TOX: variants seen among roughly 807,000 people sequenced by gnomAD.
TOX encodes thymocyte selection-associated high mobility group box protein TOX.
TOX carries 11 observed loss-of-function variants against 53.7 expected under a neutral mutation model. The observed-to-expected ratio is 0.20, with a 90% CI of 0.13 to 0.34. The LOEUF (loss-of-function observed/expected upper bound fraction) is 0.34. Ranked by LOEUF, TOX falls within the 10% of genes least tolerant of loss-of-function variation. The probability of loss-of-function intolerance (pLI) is 1.00; values close to 1 mark genes in which losing one functional copy is unlikely to be tolerated. For synonymous variants in TOX, 225 were observed against 245.3 expected, an observed-to-expected ratio of 0.92 and a Z score of 0.77; for missense variants, 570 against 664.6, an observed-to-expected ratio of 0.86 and a Z score of 1.56.
intron 2 of TOX, 127 bp downstream of exon 2, chr8:58,959,816 C>T (rs1812771639): frequency 4.7e-6 from 5 of 1,071,854 alleles, no homozygotes; most frequent in African/African-American, 3.1e-5. Context: ...GGCTTAAATG[C>T]TTTGTTTATA....
chr8:58,879,718 C>G (rs1460937107), intron 3 of TOX, among the ~76,000 whole-genome samples: 1 of 152,048 alleles, frequency 6.6e-6, no homozygotes, highest in East Asian at 1.9e-4. Context: ...TCCTTAAAAA[C>G]AAATCTAAAT....
intron 1 of TOX, among the ~76,000 whole-genome samples, chr8:59,048,516 CT>C (rs1465262283): frequency 7.9e-5 from 12 of 152,170 alleles, no homozygotes; most frequent in Non-Finnish European, 1.8e-4. Flanking sequence ...AATTTCTGGT[CT>C]TCTGGCTTCA....
intron 1 of TOX, among the ~76,000 whole-genome samples, chr8:59,063,398 G>A (rs1804025461): frequency 6.7e-6 from 1 of 150,232 alleles, no homozygotes; most frequent in Admixed American, 6.6e-5. Flanking sequence ...GAGTTCTAAC[G>A]ATGGGATTAC....
At chr8:59,057,744 T>G (rs1198404160) in intron 1 of TOX, among the ~76,000 whole-genome samples, 2 of 152,250 alleles carry the variant, frequency 1.3e-5, no homozygotes, top group Non-Finnish European at 2.9e-5. Context: ...TTGCTTCATT[T>G]TCCATATTTT....
intron 7 of TOX, among the ~76,000 whole-genome samples, chr8:58,808,796 C>T (rs567167934): frequency 1.1e-3 from 163 of 152,274 alleles, no homozygotes; most frequent in South Asian, 6.2e-3. Context: ...ATTTGTATTT[C>T]TCTCTCAGCT....
chr8:59,043,510 A>G (rs1392799385), intron 1 of TOX, among the ~76,000 whole-genome samples: 1 of 152,200 alleles, frequency 6.6e-6, no homozygotes, highest in Non-Finnish European at 1.5e-5. Flanking sequence ...ATAATAAACT[A>G]TATAGCTAAA....
At chr8:59,092,829 GTCTC>G (rs1317006957) in intron 1 of TOX, among the ~76,000 whole-genome samples, 6 of 152,008 alleles carry the variant, frequency 3.9e-5, no homozygotes, top group African/African-American at 1.5e-4. Flanking sequence ...CTATTTGTGC[GTCTC>G]TCTTTCTAGA....
chr8:58,908,135 C>T (rs1434537722), intron 3 of TOX, among the ~76,000 whole-genome samples: 1 of 152,104 alleles, frequency 6.6e-6, no homozygotes, highest in African/African-American at 2.4e-5. Flanking sequence ...GTGTTTTTCC[C>T]CTCAATGCAA....
intron 1 of TOX, among the ~76,000 whole-genome samples, chr8:58,994,417 T>C (rs77021792): frequency 0.094 from 13,170 of 139,862 alleles, 733 homozygotes; most frequent in Middle Eastern, 0.18. Context: ...TGTGTGTGTG[T>C]GTGCGCGCGC....
rs1813211322 is a variant in TOX, at chr8:58,981,847, C to T, written c.103-21839G>A. ...TCTCCATTCTTAAGAATAATCCTTC[C>T]CTTGGACTCTCAACTGTATCCCTCC... On this transcript the variant is annotated intron_variant, in intron 1 of 8. Coordinates refer to ENST00000361421, the MANE Select transcript of TOX (RefSeq NM_014729.3). Among the ~76,000 whole-genome samples, 4 of 152,110 alleles carry T rather than the reference C, an allele frequency of 2.6e-5. No homozygotes were observed. The South Asian group carries it at 8.3e-4, about 32-fold the overall frequency.
intron 1 of TOX, among the ~76,000 whole-genome samples, chr8:59,034,999 G>A (rs1814430644): frequency 6.6e-6 from 1 of 152,124 alleles, no homozygotes; most frequent in Non-Finnish European, 1.5e-5. Flanking sequence ...GGCCCTGGGA[G>A]GAGACGCTCT....
In TOX at chr8:59,050,478, A is replaced by G. The variant is rs1304200716; in HGVS notation, c.102+68408T>C. 3.9e-5 allele frequency among the ~76,000 whole-genome samples: 6 copies of G among 152,180 alleles called. No homozygotes were observed. The East Asian group carries it at 9.6e-4, about 24-fold the overall frequency. ...TCTTTGATCTAGTACTTAAAGAGCCATCAGATTAATGAATTAAGTAGAATC... is the reference window on the plus strand; with the variant it reads ...TCTTTGATCTAGTACTTAAAGAGCCGTCAGATTAATGAATTAAGTAGAATC... On this transcript the variant is annotated intron_variant, in intron 1 of 8. Coordinates refer to ENST00000361421, the MANE Select transcript of TOX (RefSeq NM_014729.3).
At chr8:58,898,906 G>A (rs1811691997) in intron 3 of TOX, among the ~76,000 whole-genome samples, 1 of 152,134 alleles carries the variant, frequency 6.6e-6, no homozygotes, top group African/African-American at 2.4e-5. Flanking sequence ...TTGTACAAAT[G>A]TAATCTTGTA....
chr8:59,089,196 A>G (rs1248012173), intron 1 of TOX, among the ~76,000 whole-genome samples: 5 of 152,344 alleles, frequency 3.3e-5, no homozygotes, highest in East Asian at 1.9e-4. Flanking sequence ...GATGTACAAA[A>G]CACTTTTAGG....
chr8:59,079,274 T>A (rs1375806526), intron 1 of TOX, among the ~76,000 whole-genome samples: 1 of 152,166 alleles, frequency 6.6e-6, no homozygotes, highest in Non-Finnish European at 1.5e-5. Context: ...ATAGCAAAAT[T>A]GGCAAAACAA....
At chr8:58,833,659 T>C (rs960520141) in intron 5 of TOX, among the ~76,000 whole-genome samples, 4 of 152,242 alleles carry the variant, frequency 2.6e-5, no homozygotes, top group Non-Finnish European at 5.9e-5. Context: ...ACTTATGTTT[T>C]ATTTCCTTCT....
intron 1 of TOX, among the ~76,000 whole-genome samples, chr8:59,091,452 A>G (rs1804605183): frequency 6.6e-6 from 1 of 151,780 alleles, no homozygotes; most frequent in Admixed American, 6.6e-5. Context: ...ACCCCTTAAA[A>G]CTTGGGTTAT....
intron 6 of TOX, among the ~76,000 whole-genome samples, chr8:58,818,528 A>G (rs1490410837): frequency 6.6e-6 from 1 of 152,022 alleles, no homozygotes; most frequent in Non-Finnish European, 1.5e-5. Context: ...TCTTTTTTTG[A>G]TGGTAGGGAC....
At chr8:59,071,752 T>C (rs182872503) in intron 1 of TOX, among the ~76,000 whole-genome samples, 2 of 152,324 alleles carry the variant, frequency 1.3e-5, no homozygotes, top group African/African-American at 4.8e-5. Context: ...ATGGCATAGA[T>C]ATCAGCTGAA....
Sources: gnomAD v4.1 joint callset for allele counts (sites outside exome capture counted in the v4.1 genomes callset) on GRCh38, gnomAD v4.1.1 for gene constraint, MANE v1.5 for transcripts, NCBI Gene and HGNC (gene_info 2026-07-23, HGNC 2026-07-21) for gene names.